Variants in AKAP13 observed in about 807,000 individuals in gnomAD.
The protein encoded by AKAP13 is A-kinase anchor protein 13.
A neutral mutation model predicts 264.5 loss-of-function variants in AKAP13; 80 were observed. The observed-to-expected ratio is 0.30, with a 90% CI of 0.25 to 0.36. The LOEUF (loss-of-function observed/expected upper bound fraction) is 0.36, where lower values mean the gene tolerates loss of function less well. Ranked by LOEUF, AKAP13 falls within the 10% of genes least tolerant of loss-of-function variation. The probability of loss-of-function intolerance (pLI) is 1.00; values close to 1 mark genes in which losing one functional copy is unlikely to be tolerated. For synonymous variants in AKAP13, 1,380 were observed against 1,250.2 expected, an observed-to-expected ratio of 1.10 and a Z score of -2.19; for missense variants, 3,712 against 3,435.2, an observed-to-expected ratio of 1.08 and a Z score of -2.01.
intron 2 of AKAP13, among the ~76,000 whole-genome samples, chr15:85,520,111 G>C (rs1192977135): frequency 6.6e-6 from 1 of 151,940 alleles, no homozygotes; most frequent in Non-Finnish European, 1.5e-5. Flanking sequence ...TTCGTAATTG[G>C]GAGAATGCTA....
At chr15:85,695,219 A>G (rs190415186) in intron 17 of AKAP13, among the ~76,000 whole-genome samples, 63 of 152,346 alleles carry the variant, frequency 4.1e-4, no homozygotes, top group African/African-American at 1.4e-3. Context: ...AGCCTGGCCA[A>G]CATGGCGAAA....
rs1289087265 is a variant in AKAP13 at position 85,726,392 on chromosome 15, C to G, written c.6746-18C>G. The G allele has an allele frequency of 6.2e-7, 1 of 1,606,110 alleles. No individual in the cohort carries two copies. Among genetic ancestry groups the G allele is most frequent in the Non-Finnish European group, 8.5e-7 (1 of 1,174,770 alleles). Reference sequence around the variant, plus strand: ...TAGTCATCGTTTTATCTTCCCTTCTCCCATTTCCATTTTCCAGAGGTTCAA... The same window carrying G: ...TAGTCATCGTTTTATCTTCCCTTCTGCCATTTCCATTTTCCAGAGGTTCAA... On this transcript the variant is annotated intron_variant, in intron 26 of 36. Coordinates refer to ENST00000394518, the MANE Select transcript of AKAP13 (RefSeq NM_007200.5).
At chr15:85,386,777 C>G (rs1466476241) in intron 1 of AKAP13, among the ~76,000 whole-genome samples, 1 of 149,200 alleles carries the variant, frequency 6.7e-6, no homozygotes, top group South Asian at 2.1e-4. Flanking sequence ...TTTTTTTTTG[C>G]AAGTTGATCA....
intron 3 of AKAP13, 131 bp from the exon 4 acceptor site, chr15:85,533,453 A>AG (rs2077302600): frequency 1.3e-6 from 1 of 792,916 alleles, no homozygotes; most frequent in Admixed American, 3.6e-5. Context: ...TCAGAGCTCA[A>AG]GAGGAAGGAG....
chr15:85,707,875 A>C, intron 17 of AKAP13, 144 bp from the exon 18 acceptor site: 1 of 692,966 alleles, frequency 1.4e-6, no homozygotes, highest in Non-Finnish European at 2.5e-6. Context: ...CTAGAAGAGG[A>C]CTGCAGTGTG....
At chr15:85,557,966 A>G (rs186402559) in intron 5 of AKAP13, among the ~76,000 whole-genome samples, 154 of 152,308 alleles carry the variant, frequency 1.0e-3, no homozygotes, top group African/African-American at 3.6e-3. Context: ...ACCTTGTCCA[A>G]TGGGTCTATA....
chr15:85,655,371 A>T (rs2083051857), intron 10 of AKAP13, 46 bp from the exon 11 acceptor site: 2 of 1,577,034 alleles, frequency 1.3e-6, no homozygotes, highest in East Asian at 4.5e-5. Context: ...AGGCTATCTG[A>T]TTGGCCCTGC....
At chr15:85,562,777 C>A (rs1244339486) in intron 5 of AKAP13, among the ~76,000 whole-genome samples, 1 of 144,128 alleles carries the variant, frequency 6.9e-6, no homozygotes, top group African/African-American at 2.6e-5. Flanking sequence ...CTCACTCCAA[C>A]CTCTGCCTCC....
At chr15:85,668,385 A>G (rs1474733194) in intron 13 of AKAP13, among the ~76,000 whole-genome samples, 1 of 152,250 alleles carries the variant, frequency 6.6e-6, no homozygotes, top group East Asian at 1.9e-4. Flanking sequence ...TCTTATCACC[A>G]GAAGTGTGCT....
chr15:85,441,885 T>TC (rs1363139943), intron 1 of AKAP13, among the ~76,000 whole-genome samples: 2 of 152,120 alleles, frequency 1.3e-5, no homozygotes, highest in African/African-American at 2.4e-5. Context: ...TTGTCTTGGG[T>TC]CTTGGCCTTA....
chr15:85,619,419 G>C (rs1333346509), intron 8 of AKAP13: 1 of 985,188 alleles, frequency 1.0e-6, no homozygotes, highest in Non-Finnish European at 1.2e-6. Flanking sequence ...GCTGTCCTTA[G>C]AGATTTTCAA....
chr15:85,529,497 A>G (rs1407898235), intron 3 of AKAP13, among the ~76,000 whole-genome samples: 1 of 152,232 alleles, frequency 6.6e-6, no homozygotes, highest in East Asian at 1.9e-4. Context: ...CCCTGTTGCA[A>G]ATAGTCATGT....
At position 85,486,719 on chromosome 15, in the gene AKAP13, GTTATC is replaced by G. The variant is rs1288122846; in HGVS notation, c.33+970_33+974del. 5.9e-5 allele frequency among the ~76,000 whole-genome samples: 8 copies of G among 134,964 alleles called. No homozygotes were observed. The East Asian group carries it at 1.7e-3, about 28-fold the overall frequency. 88.5% of individuals were successfully genotyped at this position (134,964 alleles called of 152,430 possible). A position where few individuals can be genotyped will look rare whatever the true frequency, so the allele number is the denominator to read the frequency against. On this transcript the variant is annotated intron_variant, in intron 2 of 36. Transcript: ENST00000394518. ...TCATTTTGATGGTATTGTTAATTTT[GTTATC>G]TTAATTGTTCAGTTCTTTTTTTTTT...
In AKAP13 at chr15:85,461,206, G is replaced by T. The variant is rs181737591; in HGVS notation, c.-11-24504G>T. Among the ~76,000 whole-genome samples the T allele has an allele frequency of 2.1e-3, 314 of 152,090 alleles. 4 individuals are homozygous for T. The highest frequency in any genetic ancestry group is 7.2e-3 in the African/African-American group (300 of 41,474). On this transcript the variant is annotated intron_variant, in intron 1 of 36. Coordinates refer to ENST00000394518, the MANE Select transcript of AKAP13 (RefSeq NM_007200.5). Reference sequence around the variant, plus strand: ...TCTTGGCTCACTGCAACCTCTGCCTGCAGGGTTCAAGCAATTCTCCTGCCT... The same window carrying T: ...TCTTGGCTCACTGCAACCTCTGCCTTCAGGGTTCAAGCAATTCTCCTGCCT...
intron 14 of AKAP13, among the ~76,000 whole-genome samples, chr15:85,672,969 G>A (rs1449734081): frequency 6.6e-6 from 1 of 152,190 alleles, no homozygotes; most frequent in Non-Finnish European, 1.5e-5. Context: ...TTTAGGAACA[G>A]AATGTTTTCT....
chr15:85,689,449 A>C (rs984760312), intron 16 of AKAP13, among the ~76,000 whole-genome samples: 1 of 152,198 alleles, frequency 6.6e-6, no homozygotes, highest in African/African-American at 2.4e-5. Flanking sequence ...AAAAGTGAAG[A>C]ATCACCTTTG....
chr15:85,539,472 A>G (rs1253990325), intron 4 of AKAP13, among the ~76,000 whole-genome samples: 2 of 152,218 alleles, frequency 1.3e-5, no homozygotes, highest in African/African-American at 2.4e-5. Context: ...AATCATAGGT[A>G]TAGATTCAAA....
chr15:85,502,525 C>G (rs1277376681), intron 2 of AKAP13, among the ~76,000 whole-genome samples: 1 of 152,108 alleles, frequency 6.6e-6, no homozygotes, highest in Non-Finnish European at 1.5e-5. Flanking sequence ...TGTGTAATAT[C>G]CCTTAGAAAG....
At chr15:85,659,130 C>G (rs893673134) in intron 12 of AKAP13, among the ~76,000 whole-genome samples, 6 of 152,158 alleles carry the variant, frequency 3.9e-5, no homozygotes, top group Non-Finnish European at 8.8e-5. Context: ...TAAGTTCATT[C>G]CTTGGCCTTT....
Sources: allele counts gnomAD v4.1 joint callset (sites outside exome capture counted in the v4.1 genomes callset), GRCh38; gene constraint gnomAD v4.1.1; transcripts MANE v1.5; gene names NCBI Gene and HGNC (gene_info 2026-07-23, HGNC 2026-07-21).